Variants in ATP6V1E2 observed in about 807,000 individuals in gnomAD.
ATP6V1E2 encodes the protein V-type proton ATPase subunit E 2.
For synonymous variants in ATP6V1E2, 121 were observed against 104.2 expected, an observed-to-expected ratio of 1.16 and a Z score of -0.98; for missense variants, 308 against 273.3, an observed-to-expected ratio of 1.13 and a Z score of -0.90.
Position 46,518,471 on chromosome 2 carries a change from T to A in ATP6V1E2, c.-101-5659A>T, listed in dbSNP as rs554454359. 3.4e-5 allele frequency among the ~76,000 whole-genome samples: 4 copies of A among 118,006 alleles called. No homozygotes were observed. The South Asian group carries it at 1.1e-3, about 32-fold the overall frequency. The allele number at this position is 118,006 out of a possible 152,430, so 77.4% of individuals were successfully genotyped here. On this transcript the variant is annotated intron_variant, in intron 4 of 4. Transcript: ENST00000522587. ...AGTACTGTACCATACTCTTAAACAT[T>A]TGTTACACACACACACACAACACAC...
intron 4 of ATP6V1E2, among the ~76,000 whole-genome samples, chr2:46,524,266 G>C (rs1252692547): frequency 2.6e-5 from 4 of 152,130 alleles, no homozygotes; most frequent in Non-Finnish European, 5.9e-5. Flanking sequence ...GGGATGGTTT[G>C]AGACCTTCCA....
rs1667458129 is a variant in ATP6V1E2, at chr2:46,536,625, A to G, written c.-231T>C. 1 of 152,246 alleles carries G rather than the reference A, an allele frequency of 6.6e-6. No homozygotes were observed. The highest frequency in any genetic ancestry group is 6.5e-5 in the Admixed American group (1 of 15,288). The allele number at this position is 152,246 out of a possible 1,614,324, so 9.4% of individuals were successfully genotyped here. The stretch of plus-strand genomic sequence containing the variant: ...TATCTCCTTACCAGTGACTTCTAAG[A>G]AGATGGTTCACAGAGGGAGAAGAAT... On this transcript the variant is annotated 5_prime_UTR_variant, in exon 3 of 5. Coordinates refer to ENST00000522587, the MANE Select transcript of ATP6V1E2 (RefSeq NM_001318063.2).
Position 46,533,541 on chromosome 2 carries a change from T to C in ATP6V1E2, c.-102+2272A>G, listed in dbSNP as rs186858336. ...TACCTGCCTCAGCCTCCAAAAGTTC[T>C]GGGATTACAGGTGTGAGCCACCATA... On this transcript the variant is annotated intron_variant, in intron 4 of 4. Transcript: ENST00000522587. Among the ~76,000 whole-genome samples the C allele has an allele frequency of 1.2e-4, 18 of 152,356 alleles. No individual in the cohort carries two copies. The East Asian group carries it at 3.5e-3, about 29-fold the overall frequency.
chr2:46,534,689 T>C (rs1174894110), intron 4 of ATP6V1E2: 3 of 152,240 alleles, frequency 2.0e-5, no homozygotes, highest in Admixed American at 6.5e-5. Flanking sequence ...CTTCCTCTTT[T>C]TGAGGCTGCT....
intron 4 of ATP6V1E2, among the ~76,000 whole-genome samples, chr2:46,523,263 G>C (rs1442319597): frequency 1.3e-5 from 2 of 151,982 alleles, no homozygotes; most frequent in African/African-American, 4.8e-5. Flanking sequence ...GTGAATTTTG[G>C]CTCTTGTTGC....
At position 46,542,214 on chromosome 2, in the gene ATP6V1E2, T is replaced by A. The variant is rs1226916695; in HGVS notation, c.-374+3A>T. The A allele has an allele frequency of 1.4e-5, 2 of 143,180 alleles. No individual in the cohort carries two copies. The highest frequency in any genetic ancestry group is 2.7e-5 in the African/African-American group (1 of 37,598). The allele number at this position is 143,180 out of a possible 1,614,324, so 8.9% of individuals were successfully genotyped here. A position where few individuals can be genotyped will look rare whatever the true frequency, so the allele number is the denominator to read the frequency against. ...CCTTAAATTTTTTTTTTTTTTTTTT[T>A]ACCCTTTTGGTCTCTCCTCCTTGAT... On this transcript the variant is annotated splice_donor_region_variant and intron_variant, in intron 1 of 4. Transcript: ENST00000522587.
chr2:46,514,302 A>G (rs1040444764), intron 4 of ATP6V1E2, among the ~76,000 whole-genome samples: 4 of 151,902 alleles, frequency 2.6e-5, no homozygotes, highest in Admixed American at 2.6e-4. Flanking sequence ...AAATAAAAAG[A>G]AAAAAGAAAA....
At chr2:46,523,828 G>A (rs779754504) in intron 4 of ATP6V1E2, among the ~76,000 whole-genome samples, 22 of 152,106 alleles carry the variant, frequency 1.4e-4, no homozygotes, top group Non-Finnish European at 3.2e-4. Context: ...TGGGCAGTAT[G>A]GGCATTTTCA....
At chr2:46,519,762 TATC>T (rs1396292501) in intron 4 of ATP6V1E2, 1 of 152,248 alleles carries the variant, frequency 6.6e-6, no homozygotes, top group Non-Finnish European at 1.5e-5. Flanking sequence ...TAGTTATTAT[TATC>T]ATCATGACCA....
Position 46,512,195 on chromosome 2 carries a change from G to C in ATP6V1E2, c.517C>G (p.Leu173Val), listed in dbSNP as rs368751456. 4 of 1,614,044 alleles carry C rather than the reference G, an allele frequency of 2.5e-6. No homozygotes were observed. In the African/African-American group the frequency reaches 5.3e-5, roughly 22 times the overall value. Residue 173 changes from leucine to valine, a missense_variant, in exon 5 of 5, where the codon CTG becomes GTG. Physicochemically the swap from Leu to Val is conservative, Grantham distance 32 (BLOSUM62 1). Coordinates refer to ENST00000522587, the MANE Select transcript of ATP6V1E2 (RefSeq NM_001318063.2). ...VEVQIDKEAY[L>V]AVNAAGGVEV... ...ACACCTCCAGCTGCATTCACAGCCA[G>C]GTATGCCTCTTTATCAATCTGGACC... is the stretch of plus-strand genomic sequence containing the variant.
intron 4 of ATP6V1E2, among the ~76,000 whole-genome samples, chr2:46,533,349 T>C (rs145827194): frequency 4.6e-5 from 7 of 152,140 alleles, no homozygotes; most frequent in African/African-American, 1.2e-4. Flanking sequence ...TCTCAGCTCA[T>C]GCAGCCTTGA....
chr2:46,534,901 G>A (rs1667368386), intron 4 of ATP6V1E2: 1 of 152,224 alleles, frequency 6.6e-6, no homozygotes, highest in Non-Finnish European at 1.5e-5. Flanking sequence ...GTAGTTCTTT[G>A]CATCGCACTG....
chr2:46,539,478 C>T (rs989045001), intron 2 of ATP6V1E2, among the ~76,000 whole-genome samples: 1 of 152,242 alleles, frequency 6.6e-6, no homozygotes, highest in Non-Finnish European at 1.5e-5. Context: ...GAGCTGGGAC[C>T]ATGCCTTTGT....
Position 46,512,399 on chromosome 2 carries a change from T to C in ATP6V1E2, c.313A>G (p.Ile105Val). The change falls in exon 5 of 5, where the codon ATT becomes GTT. Residue 105 changes from isoleucine (I) to valine (V), a missense_variant. Coordinates refer to ENST00000522587, the MANE Select transcript of ATP6V1E2 (RefSeq NM_001318063.2). The part of the protein sequence containing the change: ...LSEAKLRLSR[I>V]VEDPEVYQGL... ...TGGTAGACCTCTGGGTCCTCCACAATCCTGCTGAGTCTCAGCTTCGCCTCA... is the reference window on the plus strand; with the variant it reads ...TGGTAGACCTCTGGGTCCTCCACAACCCTGCTGAGTCTCAGCTTCGCCTCA... 1 of 1,614,166 alleles carries C rather than the reference T, an allele frequency of 6.2e-7. No individual in the cohort carries two copies. Among genetic ancestry groups the C allele is most frequent in the Non-Finnish European group, 8.5e-7 (1 of 1,180,026 alleles).
chr2:46,516,602 A>T lies in ATP6V1E2; in HGVS notation c.-101-3790T>A, dbSNP rs566914326. Among the ~76,000 whole-genome samples the T allele has an allele frequency of 3.2e-4, 49 of 152,320 alleles. 2 individuals are homozygous for T. The South Asian group carries it at 8.3e-3, about 26-fold the overall frequency. ...GAATGAGACCCTATCTCTAAAAAAA[A>T]TTTTTAAAAGAATAAGTCAAAAAGA... On this transcript the variant is annotated intron_variant, in intron 4 of 4. Transcript: ENST00000522587.
At chr2:46,517,359 A>G (rs1280220435) in intron 4 of ATP6V1E2, among the ~76,000 whole-genome samples, 1 of 152,238 alleles carries the variant, frequency 6.6e-6, no homozygotes, top group Non-Finnish European at 1.5e-5. Context: ...CTTAAATGTA[A>G]GGCCTGAAAC....
chr2:46,524,701 G>A (rs999163414), intron 4 of ATP6V1E2, among the ~76,000 whole-genome samples: 1 of 152,148 alleles, frequency 6.6e-6, no homozygotes, highest in South Asian at 2.1e-4. Context: ...GAGATGGACC[G>A]TCATCATAAG....
intron 4 of ATP6V1E2, chr2:46,520,091 T>A (rs1371312967): frequency 2.0e-5 from 3 of 152,306 alleles, no homozygotes; most frequent in African/African-American, 7.2e-5. Flanking sequence ...CTGTCACACA[T>A]CCTTGTGCCT....
chr2:46,527,154 A>G (rs1666962952), intron 4 of ATP6V1E2, among the ~76,000 whole-genome samples: 1 of 152,172 alleles, frequency 6.6e-6, no homozygotes, highest in South Asian at 2.1e-4. Flanking sequence ...TCCTGGCTCA[A>G]GCAATCTTCC....
Sources: allele counts gnomAD v4.1 joint callset (sites outside exome capture counted in the v4.1 genomes callset), GRCh38; gene constraint gnomAD v4.1.1; transcripts MANE v1.5; gene names NCBI Gene and HGNC (gene_info 2026-07-23, HGNC 2026-07-21).